AQP8: variants seen among roughly 807,000 people sequenced by gnomAD.
The protein encoded by AQP8 is aquaporin 8, also known as aquaporin-8.
Under a neutral mutation model 26.1 loss-of-function variants are expected in AQP8, and 14 were observed. That is an observed-to-expected ratio of 0.54 (90% CI 0.35 to 0.84). AQP8 has a LOEUF of 0.84. Among genes scored for constraint, AQP8 ranks in the 40% least tolerant of loss-of-function variants. AQP8 has a pLI of 0.01. For synonymous variants in AQP8, 131 were observed against 150.7 expected, an observed-to-expected ratio of 0.87 and a Z score of 0.96; for missense variants, 301 against 340.5, an observed-to-expected ratio of 0.88 and a Z score of 0.91.
intron 3 of AQP8, among the ~76,000 whole-genome samples, chr16:25,223,336 C>T (rs1962588464): frequency 6.6e-6 from 1 of 152,228 alleles, no homozygotes. Context: ...TGCACATGCC[C>T]CTTCCACGGT....
Position 25,221,590 on chromosome 16 carries a change from A to G in AQP8, c.387+7A>G, listed in dbSNP as rs1962563383. On this transcript the variant is annotated splice_region_variant and intron_variant, in intron 3 of 5. Coordinates refer to ENST00000219660, the MANE Select transcript of AQP8 (RefSeq NM_001169.3). ...CGGGGCTGCCTTGGCCAAGGTGGGT[A>G]AACCCCAGGGGCTGGGCTAGTCTTC... is the stretch of plus-strand genomic sequence containing the variant. The G allele has an allele frequency of 1.9e-6, 3 of 1,613,746 alleles. No individual in the cohort carries two copies. In the South Asian group the frequency reaches 3.3e-5, roughly 18 times the overall value.
intron 2 of AQP8, among the ~76,000 whole-genome samples, chr16:25,220,925 C>A (rs1211109469): frequency 6.6e-6 from 1 of 152,198 alleles, no homozygotes; most frequent in Non-Finnish European, 1.5e-5. Flanking sequence ...GTGGCACACA[C>A]CTGTAGTTCC....
chr16:25,221,676 G>A, intron 3 of AQP8, 93 bp downstream of exon 3: 4 of 1,462,866 alleles, frequency 2.7e-6, no homozygotes, highest in Non-Finnish European at 3.7e-6. Flanking sequence ...GTGGGGAGTG[G>A]GGAAATGTCC....
At position 25,221,492 on chromosome 16, in the gene AQP8, C is replaced by A. The variant is rs747937289; in HGVS notation, c.296C>A (p.Ala99Asp). ...TTCAACCCTGCGGTGTCCCTGGCAGCCATGCTGATCGGAGGCCTCAACCTG... is the reference window on the plus strand; with the variant it reads ...TTCAACCCTGCGGTGTCCCTGGCAGACATGCTGATCGGAGGCCTCAACCTG... ...GHFNPAVSLA[A>D]MLIGGLNLVM... The change falls in exon 3 of 6, where the codon GCC becomes GAC. Residue 99 changes from alanine (A) to aspartate (D), a missense_variant. By Grantham distance (126) the Ala-to-Asp change is moderately radical. Coordinates refer to ENST00000219660, the MANE Select transcript of AQP8 (RefSeq NM_001169.3). 13 of 1,614,128 alleles carry A rather than the reference C, an allele frequency of 8.1e-6. No individual in the cohort carries two copies. Among genetic ancestry groups the A allele is most frequent in the Non-Finnish European group, 1.1e-5 (13 of 1,180,006 alleles).
chr16:25,228,031 C>T (rs1018780278), intron 5 of AQP8, among the ~76,000 whole-genome samples: 9 of 146,944 alleles, frequency 6.1e-5, no homozygotes, highest in Admixed American at 1.4e-4. Context: ...TTTGGGAGGC[C>T]AAGGTGGGTG....
rs1218387005 is a variant in AQP8 at position 25,217,332 on chromosome 16, C to T, written c.147C>T (p.Ile49=). 6.2e-7 allele frequency: 1 copy of T among 1,614,044 alleles called. No individual in the cohort carries two copies. Among genetic ancestry groups the T allele is most frequent in the Non-Finnish European group, 8.5e-7 (1 of 1,180,042 alleles). The change falls in exon 2 of 6, where the codon ATC becomes ATT. Residue 49 remains isoleucine, a synonymous_variant. Coordinates refer to ENST00000219660, the MANE Select transcript of AQP8 (RefSeq NM_001169.3). ...LVELLGSALF[I]FIGCLSVIEN... ...AACTGCTGGGCTCTGCTCTCTTCATCTTCATCGGGTGCCTGTCGGTCATTG... is the reference window on the plus strand; with the variant it reads ...AACTGCTGGGCTCTGCTCTCTTCATTTTCATCGGGTGCCTGTCGGTCATTG...
intron 3 of AQP8, among the ~76,000 whole-genome samples, chr16:25,224,050 C>A: frequency 6.6e-6 from 1 of 152,186 alleles, no homozygotes; most frequent in East Asian, 1.9e-4. Context: ...TGGTCTCAAA[C>A]TCCTGGGCTC....
chr16:25,224,309 GTTTCCAGC>G, intron 3 of AQP8, 45 bp from the exon 4 acceptor site: 1 of 1,546,182 alleles, frequency 6.5e-7, no homozygotes, highest in Non-Finnish European at 8.8e-7. Flanking sequence ...TCTCCCCTCA[GTTTCCAGC>G]TGTCTCTCTG....
At chr16:25,226,403 G>A (rs527878346) in intron 4 of AQP8, among the ~76,000 whole-genome samples, 12 of 152,264 alleles carry the variant, frequency 7.9e-5, no homozygotes, top group African/African-American at 1.4e-4. Context: ...GACTACAGGC[G>A]TGTGCCACTA....
chr16:25,217,304 T>C lies in AQP8; in HGVS notation c.119T>C (p.Val40Ala), dbSNP rs1962500761. ...GAACGGTTTGTGCAGCCATGTCTGG[T>C]CGAACTGCTGGGCTCTGCTCTCTTC... Reference protein sequence around the residue: ...WYERFVQPCLVELLGSALFIF... With the variant: ...WYERFVQPCLAELLGSALFIF... Residue 40 changes from valine (V) to alanine (A), a missense_variant, in exon 2 of 6, where the codon GTC becomes GCC. Physicochemically the swap from Val to Ala is moderately conservative, Grantham distance 64. Coordinates refer to ENST00000219660, the MANE Select transcript of AQP8 (RefSeq NM_001169.3). The C allele has an allele frequency of 1.3e-5, 21 of 1,614,024 alleles. No individual in the cohort carries two copies. Among genetic ancestry groups the C allele is most frequent in the Non-Finnish European group, 1.6e-5 (19 of 1,180,014 alleles).
Position 25,228,571 on chromosome 16 carries a change from A to G in AQP8, c.*79A>G. 4.6e-6 allele frequency: 7 copies of G among 1,513,728 alleles called. No individual in the cohort carries two copies. Among genetic ancestry groups the G allele is most frequent in the Non-Finnish European group, 6.4e-6 (7 of 1,092,090 alleles). 93.8% of individuals were successfully genotyped at this position (1,513,728 alleles called of 1,614,324 possible). A position where few individuals can be genotyped will look rare whatever the true frequency, so the allele number is the denominator to read the frequency against. ...AGACTGAGGACAGGGGAGTTCCTGC[A>G]TTTCCTGCCAGGGCAGAGGCCCAGA... On this transcript the variant is annotated 3_prime_UTR_variant, in exon 6 of 6. Transcript: ENST00000219660.
At chr16:25,224,305 C>A in intron 3 of AQP8, 57 bp from the exon 4 acceptor site, 1 of 1,529,476 alleles carries the variant, frequency 6.5e-7, no homozygotes, top group Non-Finnish European at 8.8e-7. Context: ...GCCCTCTCCC[C>A]TCAGTTTCCA....
chr16:25,224,424 G>A lies in AQP8; in HGVS notation c.450G>A (p.Glu150=). 1 of 1,614,212 alleles carries A rather than the reference G, an allele frequency of 6.2e-7. No homozygotes were observed. The highest frequency in any genetic ancestry group is 8.5e-7 in the Non-Finnish European group (1 of 1,180,052). ...GGGCGGCCTTTGTGACAGTCCAGGA[G>A]CAGGGGCAGGTGGCAGGGGCGTTGG... ...ASGAAFVTVQ[E]QGQVAGALVA... is the part of the protein sequence containing the mutation. Residue 150 remains glutamate (E), a synonymous_variant, in exon 4 of 6, where the codon GAG becomes GAA. Coordinates refer to ENST00000219660, the MANE Select transcript of AQP8 (RefSeq NM_001169.3).
At chr16:25,221,216 C>T (rs187065991) in intron 2 of AQP8, among the ~76,000 whole-genome samples, 42 of 152,294 alleles carry the variant, frequency 2.8e-4, no homozygotes, top group African/African-American at 1.0e-3. Flanking sequence ...CACGCTCTTC[C>T]TCCAGGGCCA....
At chr16:25,221,432 C>G (rs1246561423) in intron 2 of AQP8, 25 bp from the exon 3 acceptor site, 1 of 1,613,252 alleles carries the variant, frequency 6.2e-7, no homozygotes. Flanking sequence ...GGGCTCATGA[C>G]TTCCTCTGCT....
intron 2 of AQP8, among the ~76,000 whole-genome samples, chr16:25,218,650 C>T (rs146870671): frequency 1.3e-5 from 2 of 152,152 alleles, no homozygotes; most frequent in Non-Finnish European, 2.9e-5. Context: ...GAGGCTGAGG[C>T]GGGTGGATCA....
At position 25,224,659 on chromosome 16, in the gene AQP8, A is replaced by AT. The variant is rs1458855725; in HGVS notation, c.602+85dup. The AT allele has an allele frequency of 1.2e-5, 17 of 1,405,716 alleles. No individual in the cohort carries two copies. In the African/African-American group the frequency reaches 2.4e-4, roughly 20 times the overall value. 87.1% of individuals were successfully genotyped at this position (1,405,716 alleles called of 1,614,324 possible). On this transcript the variant is annotated intron_variant, in intron 4 of 5. Transcript: ENST00000219660. ...GGGATTTCAGGCCTGAGGGTCACAG[A>AT]TTCAGTTGCTATTAGGGGCCAGGAA... is the stretch of plus-strand genomic sequence containing the variant.
chr16:25,221,318 C>G, intron 2 of AQP8, 139 bp from the exon 3 acceptor site: 1 of 1,030,210 alleles, frequency 9.7e-7, no homozygotes. Flanking sequence ...TTTGGTGCCT[C>G]TTTGTATTTG....
intron 2 of AQP8, among the ~76,000 whole-genome samples, chr16:25,217,830 C>T (rs373208196): frequency 2.7e-4 from 41 of 151,890 alleles, no homozygotes; most frequent in African/African-American, 9.9e-4. Flanking sequence ...GCCTGGCTGG[C>T]AAGTTACTCT....
Sources: gnomAD v4.1 joint callset for allele counts (sites outside exome capture counted in the v4.1 genomes callset) on GRCh38, gnomAD v4.1.1 for gene constraint, MANE v1.5 for transcripts, NCBI Gene and HGNC (gene_info 2026-07-23, HGNC 2026-07-21) for gene names.